PARN: variants seen among roughly 807,000 people sequenced by gnomAD.
PARN encodes the protein poly(A)-specific ribonuclease, also known as poly(A)-specific ribonuclease PARN.
Under a neutral mutation model 102.8 loss-of-function variants are expected in PARN, and 71 were observed. That is an observed-to-expected ratio of 0.69 (90% CI 0.57 to 0.84). PARN has a LOEUF of 0.84. PARN is among the 40% of genes least tolerant of loss of function. PARN has a pLI of 0.00. For missense variants in PARN, 782 were observed against 760.9 expected (o/e 1.03, Z -0.33); for synonymous variants, 261 against 252.9 (o/e 1.03, Z -0.30).
chr16:14,547,150 CAA>C (rs1162280247), intron 21 of PARN, among the ~76,000 whole-genome samples: 1 of 151,360 alleles, frequency 6.6e-6, no homozygotes, highest in African/African-American at 2.4e-5. Flanking sequence ...GAAAAATTCT[CAA>C]ATGGTGAAGG....
At chr16:14,450,504 G>A (rs1961402753) in intron 22 of PARN, among the ~76,000 whole-genome samples, 1 of 151,906 alleles carries the variant, frequency 6.6e-6, no homozygotes, top group African/African-American at 2.4e-5. Flanking sequence ...GAGTATATGT[G>A]TTCATATTTA....
chr16:14,539,704 T>C (rs1385599379), intron 21 of PARN, among the ~76,000 whole-genome samples: 3 of 152,254 alleles, frequency 2.0e-5, no homozygotes, highest in Non-Finnish European at 2.9e-5. Flanking sequence ...CATGTCTTAC[T>C]AATAATGATT....
intron 21 of PARN, among the ~76,000 whole-genome samples, chr16:14,548,569 T>C (rs1220244178): frequency 1.3e-5 from 2 of 152,232 alleles, no homozygotes; most frequent in African/African-American, 4.8e-5. Context: ...TCAAAGAGTT[T>C]ACAGTCTATC....
intron 18 of PARN, among the ~76,000 whole-genome samples, chr16:14,563,530 T>G (rs1968229653): frequency 7.0e-6 from 1 of 142,162 alleles, no homozygotes. Context: ...GTGTATATAA[T>G]TCTTTTAAGT....
rs567804467 is a variant in PARN at position 14,469,744 on chromosome 16, G to C, written c.1670+12894C>G. Among the ~76,000 whole-genome samples the C allele has an allele frequency of 8.9e-4, 134 of 150,436 alleles. 1 individual carries two copies. Among genetic ancestry groups the C allele is most frequent in the African/African-American group, 3.2e-3 (131 of 41,084 alleles). On this transcript the variant is annotated intron_variant, in intron 22 of 23. Coordinates refer to ENST00000437198, the MANE Select transcript of PARN (RefSeq NM_002582.4). ...AAAAGAACTACGAGGAAAATGTTAA[G>C]GATTTCTACATCTGGCAATTAAAAT...
In PARN at chr16:14,628,254, A is replaced by C; in HGVS notation, c.98-3T>G. ...GACTGAAGGTCCATCACTGATTCCTAGATTTTAAGAAATAAAAATTTTTAG... is the reference window on the plus strand; with the variant it reads ...GACTGAAGGTCCATCACTGATTCCTCGATTTTAAGAAATAAAAATTTTTAG... On this transcript the variant is annotated splice_region_variant and splice_polypyrimidine_tract_variant and intron_variant, in intron 2 of 23. Transcript: ENST00000437198. The C allele has an allele frequency of 6.4e-7, 1 of 1,568,478 alleles. No homozygotes were observed. The highest frequency in any genetic ancestry group is 8.7e-7 in the Non-Finnish European group (1 of 1,144,364).
intron 21 of PARN, among the ~76,000 whole-genome samples, chr16:14,526,394 G>T (rs1966007424): frequency 6.6e-6 from 1 of 150,678 alleles, no homozygotes; most frequent in Non-Finnish European, 1.5e-5. Flanking sequence ...AGCCAGGATG[G>T]TCTCAACCTC....
intron 18 of PARN, among the ~76,000 whole-genome samples, chr16:14,575,003 C>G (rs898751921): frequency 6.6e-6 from 1 of 152,236 alleles, no homozygotes; most frequent in African/African-American, 2.4e-5. Context: ...TTGGCAACTT[C>G]CATGCAGCAT....
At chr16:14,628,277 T>G in intron 2 of PARN, 26 bp from the exon 3 acceptor site, 3 of 1,342,908 alleles carry the variant, frequency 2.2e-6, no homozygotes, top group Non-Finnish European at 3.2e-6. Context: ...TAAAAATTTT[T>G]AGCTTACTAA....
At chr16:14,533,424 AG>A (rs1966464539) in intron 21 of PARN, among the ~76,000 whole-genome samples, 2 of 504 alleles carry the variant, frequency 4.0e-3, no homozygotes, top group African/African-American at 0.021. Flanking sequence ...GGGGAGACGG[AG>A]AGGGAGAGGG....
intron 11 of PARN, chr16:14,601,784 G>C (rs971802765): frequency 1.3e-5 from 2 of 151,498 alleles, no homozygotes; most frequent in African/African-American, 4.8e-5. Context: ...TTAGCCGGAC[G>C]CAGTGGCATG....
At chr16:14,570,438 T>C (rs1472989991) in intron 18 of PARN, among the ~76,000 whole-genome samples, 2 of 138,486 alleles carry the variant, frequency 1.4e-5, no homozygotes, top group African/African-American at 5.5e-5. Context: ...GATCATGAGG[T>C]CAAGAGTTCG....
At chr16:14,464,219 T>C (rs1446575338) in intron 22 of PARN, among the ~76,000 whole-genome samples, 5 of 151,992 alleles carry the variant, frequency 3.3e-5, no homozygotes, top group Non-Finnish European at 5.9e-5. Context: ...GATTAGAAAC[T>C]TGAAGAAAAC....
At chr16:14,620,945 T>C (rs1178395955) in intron 5 of PARN, among the ~76,000 whole-genome samples, 1 of 152,214 alleles carries the variant, frequency 6.6e-6, no homozygotes, top group Non-Finnish European at 1.5e-5. Context: ...AATTTTTTAA[T>C]CTTATGTTAA....
intron 18 of PARN, among the ~76,000 whole-genome samples, chr16:14,567,931 T>C (rs1183919482): frequency 6.6e-5 from 10 of 152,208 alleles, no homozygotes; most frequent in Non-Finnish European, 1.5e-5. Flanking sequence ...AGTTATAAAG[T>C]GTTTTCTTAA....
At chr16:14,599,779 A>G in intron 12 of PARN, 125 bp downstream of exon 12, 2 of 592,586 alleles carry the variant, frequency 3.4e-6, no homozygotes, top group Non-Finnish European at 2.9e-6. Context: ...ATGAAGTTCT[A>G]ACTTCTTAGA....
At chr16:14,484,331 C>T (rs1366860487) in intron 21 of PARN, among the ~76,000 whole-genome samples, 1 of 152,126 alleles carries the variant, frequency 6.6e-6, no homozygotes, top group Non-Finnish European at 1.5e-5. Flanking sequence ...CCTCTTGGTG[C>T]CCATTTGCTA....
intron 21 of PARN, among the ~76,000 whole-genome samples, chr16:14,519,338 G>A (rs1232785251): frequency 8.0e-6 from 1 of 125,200 alleles, no homozygotes; most frequent in African/African-American, 3.0e-5. Context: ...CGTGAGTGGA[G>A]GGTGGAGGGG....
intron 21 of PARN, among the ~76,000 whole-genome samples, chr16:14,550,056 A>G (rs1427965528): frequency 6.6e-6 from 1 of 152,176 alleles, no homozygotes; most frequent in African/African-American, 2.4e-5. Flanking sequence ...AAGAGTGTAC[A>G]GTGAGCAGAG....
Sources: gnomAD v4.1 joint callset for allele counts (sites outside exome capture counted in the v4.1 genomes callset) on GRCh38, gnomAD v4.1.1 for gene constraint, MANE v1.5 for transcripts, NCBI Gene and HGNC (gene_info 2026-07-23, HGNC 2026-07-21) for gene names.